The following GALNTL6 variants were observed in gnomAD, a reference collection of about 807,000 sequenced individuals.
GALNTL6 encodes polypeptide N-acetylgalactosaminyltransferase-like 6.
A neutral mutation model predicts 73.7 loss-of-function variants in GALNTL6; 46 were observed. That is an observed-to-expected ratio of 0.62 (90% CI 0.49 to 0.80). The LOEUF (loss-of-function observed/expected upper bound fraction) is 0.80. Among genes scored for constraint, GALNTL6 ranks in the 30% least tolerant of loss-of-function variants. GALNTL6 has a pLI of 0.00. For missense variants in GALNTL6, 604 were observed against 755.0 expected (o/e 0.80, Z 2.34); for synonymous variants, 259 against 263.7 (o/e 0.98, Z 0.17).
At chr4:172,909,992 CAA>C (rs2111260573) in intron 8 of GALNTL6, among the ~76,000 whole-genome samples, 1 of 150,956 alleles carries the variant, frequency 6.6e-6, no homozygotes, top group East Asian at 1.9e-4. Context: ...GAATAATATC[CAA>C]GTCTATTGGT....
chr4:172,154,551 T>G (rs1313614345), intron 2 of GALNTL6, among the ~76,000 whole-genome samples: 2 of 152,154 alleles, frequency 1.3e-5, no homozygotes, highest in African/African-American at 4.8e-5. Context: ...AAAACTATTT[T>G]TTATACTATC....
chr4:172,207,437 G>A (rs1736173360), intron 2 of GALNTL6, among the ~76,000 whole-genome samples: 1 of 152,134 alleles, frequency 6.6e-6, no homozygotes, highest in Non-Finnish European at 1.5e-5. Context: ...AGAAGAAGAG[G>A]AAGTTGATTC....
intron 5 of GALNTL6, among the ~76,000 whole-genome samples, chr4:172,791,376 GA>G (rs1221224828): frequency 1.3e-5 from 2 of 152,146 alleles, no homozygotes; most frequent in Non-Finnish European, 2.9e-5. Context: ...TGAAAATATA[GA>G]ACAACCAGTA....
intron 5 of GALNTL6, among the ~76,000 whole-genome samples, chr4:172,376,381 C>A (rs1362903178): frequency 6.6e-6 from 1 of 151,978 alleles, no homozygotes; most frequent in African/African-American, 2.4e-5. Context: ...TGCTCATGGC[C>A]GCATGGTCAA....
Position 173,031,561 on chromosome 4 carries a change from G to A in GALNTL6, c.1639-8372G>A, listed in dbSNP as rs1363676489. ...CTGAATGAATGAATAAGTGAATCTA[G>A]CTTCCTGTTTGTCCACATTCACTAT... is the stretch of plus-strand genomic sequence containing the variant. On this transcript the variant is annotated intron_variant, in intron 12 of 12. Transcript: ENST00000506823. Among the ~76,000 whole-genome samples, 3 of 151,884 alleles carry A rather than the reference G, an allele frequency of 2.0e-5. No homozygotes were observed. In the East Asian group the frequency reaches 5.8e-4, roughly 29 times the overall value.
In GALNTL6 at chr4:172,118,994, C is replaced by T. The variant is rs534453397; in HGVS notation, c.139-110662C>T. 2.4e-4 allele frequency among the ~76,000 whole-genome samples: 36 copies of T among 151,532 alleles called. 1 individual carries two copies. The South Asian group carries it at 7.5e-3, about 32-fold the overall frequency. ...CCTTTTTTTTTTGCAACTATCTCAT[C>T]AAATCTCGTATTCACAATAAAGTTA... On this transcript the variant is annotated intron_variant, in intron 2 of 12. Coordinates refer to ENST00000506823, the MANE Select transcript of GALNTL6 (RefSeq NM_001034845.3).
At chr4:172,660,795 G>C (rs1731327357) in intron 5 of GALNTL6, among the ~76,000 whole-genome samples, 1 of 152,124 alleles carries the variant, frequency 6.6e-6, no homozygotes, top group Non-Finnish European at 1.5e-5. Flanking sequence ...ATAGAGGAAG[G>C]AAGAAATATG....
chr4:172,397,963 T>A (rs1172377505), intron 5 of GALNTL6, among the ~76,000 whole-genome samples: 1 of 152,158 alleles, frequency 6.6e-6, no homozygotes, highest in Non-Finnish European at 1.5e-5. Context: ...ACTTTTGGAT[T>A]CTTCTGTCCT....
intron 5 of GALNTL6, among the ~76,000 whole-genome samples, chr4:172,379,326 C>G (rs570337629): frequency 6.6e-6 from 1 of 151,828 alleles, no homozygotes; most frequent in East Asian, 1.9e-4. Flanking sequence ...GTCAGGAGAT[C>G]GAGACCATCC....
chr4:171,908,442 G>A lies in GALNTL6; in HGVS notation c.138+93724G>A, dbSNP rs557431884. The stretch of plus-strand genomic sequence containing the variant: ...CAGAGAAATGCAAATCAAAACCACA[G>A]TGAGATACCATCTCACACCAGTTAG... On this transcript the variant is annotated intron_variant, in intron 2 of 12. Transcript: ENST00000506823. 8.8e-3 allele frequency among the ~76,000 whole-genome samples: 1,342 copies of A among 152,034 alleles called. 18 individuals are homozygous for A. Among genetic ancestry groups the A allele is most frequent in the African/African-American group, 0.026 (1,080 of 41,472 alleles).
intron 9 of GALNTL6, among the ~76,000 whole-genome samples, chr4:172,932,625 A>G (rs1019945055): frequency 2.6e-5 from 4 of 152,202 alleles, no homozygotes; most frequent in Admixed American, 2.6e-4. Flanking sequence ...GATTTTTTCC[A>G]GATTTTGGGA....
chr4:172,820,146 G>A (rs145735538), intron 7 of GALNTL6, among the ~76,000 whole-genome samples: 217 of 152,310 alleles, frequency 1.4e-3, no homozygotes, highest in African/African-American at 4.4e-3. Context: ...TCATAAAGCC[G>A]TGGACCCAGG....
At chr4:172,480,503 C>G (rs985756493) in intron 5 of GALNTL6, among the ~76,000 whole-genome samples, 4 of 151,964 alleles carry the variant, frequency 2.6e-5, no homozygotes, top group Admixed American at 1.3e-4. Flanking sequence ...TAAGTAACTA[C>G]GATGTAAAAG....
At chr4:172,667,495 T>A (rs1162207047) in intron 5 of GALNTL6, 1 of 152,246 alleles carries the variant, frequency 6.6e-6, no homozygotes, top group African/African-American at 2.4e-5. Context: ...ATGAATTCGC[T>A]TCCAGGCTCA....
At chr4:172,847,529 T>C (rs867287934) in intron 7 of GALNTL6, among the ~76,000 whole-genome samples, 2 of 152,080 alleles carry the variant, frequency 1.3e-5, no homozygotes, top group South Asian at 2.1e-4. Flanking sequence ...TCTAAGTAAT[T>C]CCGTTGCTGA....
At chr4:172,611,667 A>G (rs1318616676) in intron 5 of GALNTL6, among the ~76,000 whole-genome samples, 1 of 152,006 alleles carries the variant, frequency 6.6e-6, no homozygotes, top group African/African-American at 2.4e-5. Flanking sequence ...GTCATCTGCT[A>G]CAGTATCTCA....
chr4:172,000,290 C>T (rs1291334575), intron 2 of GALNTL6, among the ~76,000 whole-genome samples: 4 of 152,258 alleles, frequency 2.6e-5, no homozygotes, highest in Middle Eastern at 3.4e-3. Context: ...CAGAATCTTC[C>T]TGCTTACAGA....
intron 5 of GALNTL6, among the ~76,000 whole-genome samples, chr4:172,466,712 C>T (rs28758822): frequency 0.019 from 2,864 of 152,282 alleles, 81 homozygotes; most frequent in African/African-American, 0.064. Context: ...GGACCATGAA[C>T]TGCTGTCAAA....
chr4:172,008,109 A>G (rs184775372), intron 2 of GALNTL6, among the ~76,000 whole-genome samples: 12 of 152,234 alleles, frequency 7.9e-5, no homozygotes, highest in Admixed American at 6.5e-4. Flanking sequence ...GTTTATTTTC[A>G]TTTGCTTGTT....
Sources: gnomAD v4.1 joint callset for allele counts (sites outside exome capture counted in the v4.1 genomes callset) on GRCh38, gnomAD v4.1.1 for gene constraint, MANE v1.5 for transcripts, NCBI Gene and HGNC (gene_info 2026-07-23, HGNC 2026-07-21) for gene names.